Variants in CRYBG1 observed in about 807,000 individuals in gnomAD.
CRYBG1 encodes the protein beta/gamma crystallin domain-containing protein 1.
A neutral mutation model predicts 189.2 loss-of-function variants in CRYBG1; 139 were observed. That is an observed-to-expected ratio of 0.73 (90% CI 0.64 to 0.85). The LOEUF (loss-of-function observed/expected upper bound fraction) is 0.85. Ranked by LOEUF, CRYBG1 falls within the 40% of genes least tolerant of loss-of-function variation. CRYBG1 has a pLI of 0.00. For synonymous variants in CRYBG1, 1,023 were observed against 1,017.1 expected (o/e 1.01, Z -0.11); for missense variants, 2,611 against 2,675.8 (o/e 0.98, Z 0.53).
chr6:106,422,979 A>G (rs1771157199), intron 1 of CRYBG1, among the ~76,000 whole-genome samples: 1 of 152,216 alleles, frequency 6.6e-6, no homozygotes, highest in Admixed American at 6.5e-5. Flanking sequence ...GATAGTGATT[A>G]AAATACTCTG....
chr6:106,518,962 A>G (rs1773506276), intron 3 of CRYBG1, among the ~76,000 whole-genome samples, 169 bp from the exon 4 acceptor site: 1 of 109,606 alleles, frequency 9.1e-6, no homozygotes, highest in Non-Finnish European at 1.9e-5. Context: ...TTGTCTTAAA[A>G]ACACATGTGT....
intron 2 of CRYBG1, among the ~76,000 whole-genome samples, chr6:106,475,436 G>T (rs1041043971): frequency 2.6e-5 from 4 of 152,294 alleles, no homozygotes; most frequent in East Asian, 3.9e-4. Flanking sequence ...TAGTCAGGGA[G>T]GGCTCCTGGG....
At chr6:106,552,583 A>C (rs1377143898) in intron 15 of CRYBG1, among the ~76,000 whole-genome samples, 1 of 2,210 alleles carries the variant, frequency 4.5e-4, no homozygotes, top group Non-Finnish European at 1.0e-3. Context: ...ACTCTGTCTC[A>C]AAAAAAAAAA....
In CRYBG1 at chr6:106,511,972, C is replaced by T. The variant is rs1315492337; in HGVS notation, c.855C>T (p.His285=). The change falls in exon 3 of 22, where the codon CAC becomes CAT. Residue 285 remains histidine, a synonymous_variant. Transcript: ENST00000633556. The part of the protein sequence containing the change: ...PGEDASPGAG[H]EQEAFLGVRG... ...AGGACGCTTCACCAGGTGCTGGCCA[C>T]GAACAGGAGGCTTTCCTGGGTGTGA... 1.3e-6 allele frequency: 2 copies of T among 1,529,204 alleles called. No homozygotes were observed. Among genetic ancestry groups the T allele is most frequent in the Admixed American group, 2.0e-5 (1 of 50,300 alleles). The allele number at this position is 1,529,204 out of a possible 1,614,324, so 94.7% of individuals were successfully genotyped here. A position where few individuals can be genotyped will look rare whatever the true frequency, so the allele number is the denominator to read the frequency against.
intron 1 of CRYBG1, among the ~76,000 whole-genome samples, chr6:106,430,572 G>A (rs1037279363): frequency 1.3e-5 from 2 of 152,118 alleles, no homozygotes; most frequent in African/African-American, 2.4e-5. Context: ...AGGTGGGAAC[G>A]TGTAACATGG....
intron 4 of CRYBG1, among the ~76,000 whole-genome samples, chr6:106,523,106 C>T (rs756092592): frequency 2.4e-4 from 37 of 152,162 alleles, no homozygotes; most frequent in Non-Finnish European, 3.7e-4. Flanking sequence ...CCTTGTACTC[C>T]GCTGGACATT....
At chr6:106,563,645 G>C (rs1377054306) in intron 20 of CRYBG1, 119 bp from the exon 21 acceptor site, 9 of 994,012 alleles carry the variant, frequency 9.1e-6, no homozygotes, top group Non-Finnish European at 1.2e-5. Flanking sequence ...TGCCTCATGT[G>C]GGGTAAATGA....
At chr6:106,526,662 C>T (rs1773743755) in intron 6 of CRYBG1, among the ~76,000 whole-genome samples, 2 of 152,062 alleles carry the variant, frequency 1.3e-5, no homozygotes, top group South Asian at 4.1e-4. Flanking sequence ...AGACAAAAGG[C>T]CAGACATGGT....
At chr6:106,554,053 C>A (rs1774472720) in intron 16 of CRYBG1, among the ~76,000 whole-genome samples, 1 of 152,108 alleles carries the variant, frequency 6.6e-6, no homozygotes, top group African/African-American at 2.4e-5. Flanking sequence ...CCACAGGAAA[C>A]ACAAGACCCA....
chr6:106,501,375 C>T (rs1773007604), intron 2 of CRYBG1, among the ~76,000 whole-genome samples: 1 of 152,138 alleles, frequency 6.6e-6, no homozygotes. Flanking sequence ...AGCCATGACA[C>T]ATTAAAGATG....
At chr6:106,495,730 G>T (rs1207937143) in intron 2 of CRYBG1, among the ~76,000 whole-genome samples, 1 of 147,598 alleles carries the variant, frequency 6.8e-6, no homozygotes, top group African/African-American at 2.5e-5. Flanking sequence ...ATTTGAGTTA[G>T]TTCCATCAGT....
rs749525779 is a variant in CRYBG1 at position 106,519,430 on chromosome 6, G to C, written c.2222G>C (p.Gly741Ala). Residue 741 changes from glycine to alanine, a missense_variant, in exon 4 of 22, where the codon GGT (glycine) becomes GCT (alanine). Coordinates refer to ENST00000633556, the MANE Select transcript of CRYBG1 (RefSeq NM_001371242.2). ...GTAATGCCAAACAGTCCCCAGAATGGTGTGCTGGTTAAGGAAACTGCTATA... is the reference window on the plus strand; with the variant it reads ...GTAATGCCAAACAGTCCCCAGAATGCTGTGCTGGTTAAGGAAACTGCTATA... ...KKVMPNSPQN[G>A]VLVKETAIET... 35 of 1,614,112 alleles carry C rather than the reference G, an allele frequency of 2.2e-5. 1 individual carries two copies. The South Asian group carries it at 3.4e-4, about 16-fold the overall frequency.
intron 1 of CRYBG1, among the ~76,000 whole-genome samples, chr6:106,414,099 A>G (rs1223479723): frequency 3.9e-5 from 6 of 152,222 alleles, no homozygotes; most frequent in Non-Finnish European, 7.3e-5. Flanking sequence ...TCCTTCATCC[A>G]GTGCAACTGG....
At chr6:106,446,960 G>T (rs933084986) in intron 1 of CRYBG1, among the ~76,000 whole-genome samples, 1 of 152,134 alleles carries the variant, frequency 6.6e-6, no homozygotes, top group Non-Finnish European at 1.5e-5. Context: ...AAACATAATT[G>T]AATGAATTGG....
chr6:106,380,872 C>A (rs1770274256), intron 1 of CRYBG1, among the ~76,000 whole-genome samples: 1 of 152,024 alleles, frequency 6.6e-6, no homozygotes, highest in South Asian at 2.1e-4. Context: ...TTATTTCCAC[C>A]CTTTTCAGTG....
At chr6:106,467,336 G>T (rs745792092) in intron 2 of CRYBG1, among the ~76,000 whole-genome samples, 4 of 152,066 alleles carry the variant, frequency 2.6e-5, no homozygotes, top group Non-Finnish European at 5.9e-5. Context: ...GCCTGATGTA[G>T]TGGTATGTAC....
At position 106,568,460 on chromosome 6, in the gene CRYBG1, C is replaced by T. The variant is rs1774956726; in HGVS notation, c.6302-12C>T. Reference sequence around the variant, plus strand: ...GGGTACATTCATCTTTTATTATTTTCCTTTCTTTTAGGGGGCACACAGTAT... The same window carrying T: ...GGGTACATTCATCTTTTATTATTTTTCTTTCTTTTAGGGGGCACACAGTAT... On this transcript the variant is annotated splice_polypyrimidine_tract_variant and intron_variant, in intron 21 of 21. Coordinates refer to ENST00000633556, the MANE Select transcript of CRYBG1 (RefSeq NM_001371242.2). The T allele has an allele frequency of 6.2e-7, 1 of 1,600,278 alleles. No homozygotes were observed. Among genetic ancestry groups the T allele is most frequent in the Admixed American group, 1.7e-5 (1 of 59,860 alleles).
chr6:106,568,230 G>C (rs964688750), intron 21 of CRYBG1, among the ~76,000 whole-genome samples: 1 of 152,222 alleles, frequency 6.6e-6, no homozygotes, highest in African/African-American at 2.4e-5. Flanking sequence ...CGTGAGGTGG[G>C]ATGTCCTGTG....
chr6:106,507,087 G>T (rs1021504630), intron 2 of CRYBG1, among the ~76,000 whole-genome samples: 3 of 152,342 alleles, frequency 2.0e-5, no homozygotes, highest in Admixed American at 1.3e-4. Context: ...ACACCACGAA[G>T]GTTGAGAATC....
Sources: allele counts gnomAD v4.1 joint callset (sites outside exome capture counted in the v4.1 genomes callset), GRCh38; gene constraint gnomAD v4.1.1; transcripts MANE v1.5; gene names NCBI Gene and HGNC (gene_info 2026-07-23, HGNC 2026-07-21).